The following MAPK10 variants were observed in gnomAD, a reference collection of about 807,000 sequenced individuals.
The protein encoded by MAPK10 is JNK3 alpha protein kinase.
MAPK10 carries 25 observed loss-of-function variants against 59.3 expected under a neutral mutation model. The observed-to-expected ratio is 0.42, with a 90% CI of 0.31 to 0.59. The LOEUF is 0.59. MAPK10 is among the 20% of genes least tolerant of loss of function. The pLI is 0.15. For missense variants in MAPK10, 351 were observed against 568.9 expected (o/e 0.62, Z 3.90); for synonymous variants, 190 against 200.5 (o/e 0.95, Z 0.44).
intron 2 of MAPK10, among the ~76,000 whole-genome samples, chr4:86,226,764 G>A (rs771986003): frequency 5.3e-5 from 8 of 152,222 alleles, no homozygotes; most frequent in South Asian, 4.1e-4. Context: ...TTAGGACAGC[G>A]TACTATAGCA....
intron 11 of MAPK10, among the ~76,000 whole-genome samples, chr4:86,055,780 AT>A (rs1470817266): frequency 1.3e-5 from 2 of 149,950 alleles, no homozygotes; most frequent in Admixed American, 6.6e-5. Flanking sequence ...ACCAAAAAAA[AT>A]CCTTAAGTAA....
chr4:86,432,959 G>A (rs1748239445), intron 1 of MAPK10, among the ~76,000 whole-genome samples: 1 of 152,168 alleles, frequency 6.6e-6, no homozygotes, highest in Admixed American at 6.5e-5. Context: ...ATACCTGTGG[G>A]AGGGAGGAAG....
chr4:86,391,774 C>T (rs1471783382), intron 1 of MAPK10, among the ~76,000 whole-genome samples: 2 of 152,208 alleles, frequency 1.3e-5, no homozygotes, highest in Non-Finnish European at 2.9e-5. Context: ...AGTACTAAAA[C>T]AAGTGACGTG....
chr4:86,542,108 T>C (rs937706031), intron 1 of MAPK10, among the ~76,000 whole-genome samples: 4 of 152,180 alleles, frequency 2.6e-5, no homozygotes, highest in African/African-American at 9.7e-5. Context: ...TGAGTATGCA[T>C]TATATTTTTA....
chr4:86,391,046 T>C (rs185792726), intron 1 of MAPK10, among the ~76,000 whole-genome samples: 1 of 152,212 alleles, frequency 6.6e-6, no homozygotes, highest in African/African-American at 2.4e-5. Flanking sequence ...TTAGGAAAGA[T>C]CCTTTTATTT....
intron 11 of MAPK10, among the ~76,000 whole-genome samples, chr4:86,053,863 C>A (rs1328054506): frequency 6.6e-6 from 1 of 152,032 alleles, no homozygotes. Context: ...GAAATAAAAT[C>A]AAGTATTTGG....
intron 1 of MAPK10, among the ~76,000 whole-genome samples, chr4:86,588,402 T>C (rs1480009870): frequency 6.6e-6 from 1 of 152,186 alleles, no homozygotes; most frequent in African/African-American, 2.4e-5. Context: ...TCCGTAATTA[T>C]AATCCTCAAA....
upstream of MAPK10, chr4:86,360,120 A>C: frequency 1.0e-6 from 1 of 985,986 alleles, no homozygotes; most frequent in Non-Finnish European, 1.2e-6. Flanking sequence ...CGAAAGGAGC[A>C]CACATGACGT....
At chr4:86,585,347 T>C (rs1304813657) in intron 1 of MAPK10, among the ~76,000 whole-genome samples, 3 of 152,160 alleles carry the variant, frequency 2.0e-5, no homozygotes, top group East Asian at 1.9e-4. Flanking sequence ...TACAAAAATA[T>C]ATTTAATGGA....
intron 2 of MAPK10, among the ~76,000 whole-genome samples, chr4:86,225,349 A>G (rs2090423654): frequency 6.6e-6 from 1 of 152,190 alleles, no homozygotes. Flanking sequence ...CTAGCCACCA[A>G]TAAATCCTTG....
chr4:86,292,591 G>A (rs999592242), intron 2 of MAPK10, among the ~76,000 whole-genome samples: 1 of 152,156 alleles, frequency 6.6e-6, no homozygotes, highest in African/African-American at 2.4e-5. Flanking sequence ...GCGTGATGGT[G>A]TCTGCCTGTA....
intron 3 of MAPK10, among the ~76,000 whole-genome samples, chr4:86,180,489 CA>C (rs34911547): frequency 7.9e-4 from 61 of 77,492 alleles, no homozygotes; most frequent in African/African-American, 1.3e-3. Context: ...GGGTGTTCAT[CA>C]AAAAAAAAAA....
At chr4:86,473,732 G>A (rs1752841051) in intron 1 of MAPK10, among the ~76,000 whole-genome samples, 1 of 152,214 alleles carries the variant, frequency 6.6e-6, no homozygotes, top group South Asian at 2.1e-4. Flanking sequence ...TCCACTAGCT[G>A]AGGTCAGGGA....
intron 1 of MAPK10, among the ~76,000 whole-genome samples, chr4:86,567,254 C>T (rs1475618065): frequency 6.7e-6 from 1 of 149,752 alleles, no homozygotes; most frequent in East Asian, 2.0e-4. Context: ...GAGTTTTGCA[C>T]TTGTTGCCCA....
At chr4:86,535,083 G>C (rs1336253122) in intron 1 of MAPK10, among the ~76,000 whole-genome samples, 1 of 152,044 alleles carries the variant, frequency 6.6e-6, no homozygotes, top group Non-Finnish European at 1.5e-5. Context: ...ACAGATTCAT[G>C]TCCATCTATA....
At chr4:86,345,335 A>T (rs1412056470) in intron 2 of MAPK10, among the ~76,000 whole-genome samples, 1 of 152,160 alleles carries the variant, frequency 6.6e-6, no homozygotes, top group Non-Finnish European at 1.5e-5. Context: ...TAATTTTTAC[A>T]ATTAAAGAAA....
rs938322610 is a variant in MAPK10 at position 86,055,963 on chromosome 4, C to T, written c.1110+8303G>A. Among the ~76,000 whole-genome samples the T allele has an allele frequency of 1.0e-4, 15 of 150,206 alleles. 1 individual carries two copies. Among genetic ancestry groups the T allele is most frequent in the East Asian group, 3.9e-4 (2 of 5,188 alleles). ...CCTATTAACTATTTTAAGTACATTA[C>T]TGTACCCTGTGGGGAAAATCAGGAA... On this transcript the variant is annotated intron_variant, in intron 11 of 13. Coordinates refer to ENST00000641462, the MANE Select transcript of MAPK10 (RefSeq NM_138982.4).
At chr4:86,275,542 T>C (rs2094549729) in intron 2 of MAPK10, among the ~76,000 whole-genome samples, 1 of 152,022 alleles carries the variant, frequency 6.6e-6, no homozygotes, top group Non-Finnish European at 1.5e-5. Flanking sequence ...AAAATGAGTG[T>C]AGTGTTACAT....
chr4:86,293,400 G>A (rs1196634206), intron 2 of MAPK10, among the ~76,000 whole-genome samples: 2 of 152,120 alleles, frequency 1.3e-5, no homozygotes, highest in East Asian at 3.9e-4. Context: ...GGTTGAAATC[G>A]GAGCACAGAG....
Sources: gnomAD v4.1 joint callset for allele counts (sites outside exome capture counted in the v4.1 genomes callset) on GRCh38, gnomAD v4.1.1 for gene constraint, MANE v1.5 for transcripts, NCBI Gene and HGNC (gene_info 2026-07-23, HGNC 2026-07-21) for gene names.